TMEM51: variants seen among roughly 807,000 people sequenced by gnomAD.
TMEM51 encodes the protein chromosome 1 open reading frame 72.
A neutral mutation model predicts 13.6 loss-of-function variants in TMEM51; 8 were observed. That is an observed-to-expected ratio of 0.59 (90% CI 0.35 to 1.07). TMEM51 has a LOEUF of 1.07. Among genes scored for constraint, TMEM51 ranks in the 50% least tolerant of loss-of-function variants. TMEM51 has a pLI of 0.02. For missense variants in TMEM51, 279 were observed against 330.7 expected (o/e 0.84, Z 1.21); for synonymous variants, 147 against 144.4 (o/e 1.02, Z -0.13).
intron 1 of TMEM51, among the ~76,000 whole-genome samples, chr1:15,187,609 C>T (rs984955059): frequency 4.6e-5 from 7 of 152,210 alleles, no homozygotes; most frequent in Admixed American, 4.6e-4. Context: ...TTGACAATAA[C>T]GTTTTCAAGG....
chr1:15,163,662 A>C (rs1019812378), intron 1 of TMEM51, among the ~76,000 whole-genome samples: 1 of 139,626 alleles, frequency 7.2e-6, no homozygotes, highest in Non-Finnish European at 1.6e-5. Flanking sequence ...CAAAATTAGA[A>C]AGCCATTTTG....
At chr1:15,195,939 G>A (rs933885774) in intron 1 of TMEM51, among the ~76,000 whole-genome samples, 1 of 152,194 alleles carries the variant, frequency 6.6e-6, no homozygotes, top group African/African-American at 2.4e-5. Flanking sequence ...TCAATTATGT[G>A]TGGGTCCTCA....
chr1:15,190,295 G>C (rs1479219430), intron 1 of TMEM51, among the ~76,000 whole-genome samples: 1 of 152,176 alleles, frequency 6.6e-6, no homozygotes. Context: ...TGGCTGCTTC[G>C]TGATGACATG....
At chr1:15,160,251 G>T (rs890830510) in intron 1 of TMEM51, among the ~76,000 whole-genome samples, 1 of 152,036 alleles carries the variant, frequency 6.6e-6, no homozygotes, top group African/African-American at 2.4e-5. Context: ...TTGATATTTG[G>T]TGAGGGAAAA....
chr1:15,168,333 G>A (rs6688174), intron 1 of TMEM51: 2 of 752,302 alleles, frequency 2.7e-6, no homozygotes, highest in Admixed American at 3.8e-5. Context: ...ATTCTCAAAG[G>A]GGTCTGTGCA....
chr1:15,215,272 CCTT>C lies in TMEM51; in HGVS notation c.188_190del (p.Phe63del), dbSNP rs763888157. On this transcript the variant is annotated inframe_deletion, in exon 3 of 4. Coordinates refer to ENST00000376008, the MANE Select transcript of TMEM51 (RefSeq NM_001136218.2). ...GGTGGCGGCATCCTCAAGAGCAAGACCTTCTCTGTGGCCTACGTGCTGGTCGGG... is the reference window on the plus strand; with the variant it reads ...GGTGGCGGCATCCTCAAGAGCAAGACCTCTGTGGCCTACGTGCTGGTCGGG... 888 of 1,614,132 alleles carry C rather than the reference CCTT, an allele frequency of 5.5e-4. 1 individual carries two copies. The highest frequency in any genetic ancestry group is 1.2e-3 in the Middle Eastern group (7 of 6,084).
At chr1:15,174,629 A>G (rs756876959) in intron 1 of TMEM51, among the ~76,000 whole-genome samples, 2 of 152,194 alleles carry the variant, frequency 1.3e-5, no homozygotes, top group Non-Finnish European at 2.9e-5. Context: ...AGATTTTCCT[A>G]TGTCAGTAAA....
At chr1:15,168,410 G>A in intron 1 of TMEM51, 1 of 1,230,626 alleles carries the variant, frequency 8.1e-7, no homozygotes, top group Non-Finnish European at 1.0e-6. Context: ...ATCTTTTACA[G>A]ACAAATGGTA....
intron 1 of TMEM51, among the ~76,000 whole-genome samples, chr1:15,165,909 G>T (rs1642979913): frequency 2.1e-5 from 3 of 141,896 alleles, no homozygotes; most frequent in Admixed American, 2.1e-4. Flanking sequence ...CTGCACTCCA[G>T]CCTGGGTGAC....
At chr1:15,208,403 G>A (rs112015114) in intron 1 of TMEM51, among the ~76,000 whole-genome samples, 3 of 152,114 alleles carry the variant, frequency 2.0e-5, no homozygotes, top group African/African-American at 4.8e-5. Context: ...CAGGAGGATC[G>A]CTTGAGGCCA....
chr1:15,167,652 G>T (rs72640791), intron 1 of TMEM51, among the ~76,000 whole-genome samples: 19,352 of 152,178 alleles, frequency 0.13, 1,604 homozygotes, highest in South Asian at 0.18. Context: ...CAGCACCAGG[G>T]CTATGCAGGG....
chr1:15,204,264 TCCACCTA>T (rs1173542665), intron 1 of TMEM51, among the ~76,000 whole-genome samples: 3 of 152,202 alleles, frequency 2.0e-5, no homozygotes, highest in Non-Finnish European at 4.4e-5. Context: ...TCCAAAGTTG[TCCACCTA>T]GGCTGGGTGA....
intron 2 of TMEM51, among the ~76,000 whole-genome samples, chr1:15,211,328 C>G (rs1644334897): frequency 6.6e-6 from 1 of 152,156 alleles, no homozygotes; most frequent in African/African-American, 2.4e-5. Flanking sequence ...TGGAGGGCCA[C>G]AAACCATTAT....
chr1:15,171,954 TTTCCAGGCCCCA>T (rs1156446992), intron 1 of TMEM51, among the ~76,000 whole-genome samples: 2 of 152,254 alleles, frequency 1.3e-5, no homozygotes, highest in Non-Finnish European at 1.5e-5. Flanking sequence ...TAAAAGCAGA[TTTCCAGGCCCCA>T]GCCCAGGCCT....
chr1:15,177,432 G>A (rs1643484932), intron 1 of TMEM51, among the ~76,000 whole-genome samples: 1 of 152,158 alleles, frequency 6.6e-6, no homozygotes, highest in Admixed American at 6.5e-5. Context: ...GAAGTCGGGA[G>A]GAACCAGGGG....
chr1:15,191,655 T>C (rs1643923693), intron 1 of TMEM51, among the ~76,000 whole-genome samples: 1 of 152,208 alleles, frequency 6.6e-6, no homozygotes, highest in Non-Finnish European at 1.5e-5. Context: ...ACTGCTATTT[T>C]CTCTTCCTCC....
At chr1:15,170,838 C>T (rs1643239879) in intron 1 of TMEM51, among the ~76,000 whole-genome samples, 1 of 152,094 alleles carries the variant, frequency 6.6e-6, no homozygotes, top group Non-Finnish European at 1.5e-5. Flanking sequence ...ATGCCATTCT[C>T]CTGCCTCAGC....
intron 1 of TMEM51, among the ~76,000 whole-genome samples, chr1:15,178,024 T>G (rs35885122): frequency 0.17 from 25,961 of 152,184 alleles, 2,482 homozygotes; most frequent in African/African-American, 0.25. Flanking sequence ...AGGAAGGAAG[T>G]AACACAGCTG....
intron 1 of TMEM51, among the ~76,000 whole-genome samples, chr1:15,172,422 A>G (rs1268837042): frequency 3.3e-4 from 46 of 140,864 alleles, no homozygotes; most frequent in African/African-American, 1.0e-3. Flanking sequence ...AGGAAGGAGG[A>G]GGGAGGGAGG....
Sources: gnomAD v4.1 joint callset for allele counts (sites outside exome capture counted in the v4.1 genomes callset) on GRCh38, gnomAD v4.1.1 for gene constraint, MANE v1.5 for transcripts, NCBI Gene and HGNC (gene_info 2026-07-23, HGNC 2026-07-21) for gene names.